Variants in CAPS2 observed in about 807,000 individuals in gnomAD.
The protein encoded by CAPS2 is calcyphosin-2.
In CAPS2, 98 loss-of-function variants were observed where a neutral mutation model predicts 86.5. The ratio of observed to expected loss-of-function variants is 1.13; its 90% CI spans 0.96 to 1.34. The LOEUF is 1.34. Among genes scored for constraint, CAPS2 ranks in the 40% most tolerant of loss-of-function variants. CAPS2 has a pLI of 0.00. For missense variants in CAPS2, 729 were observed against 686.8 expected, an observed-to-expected ratio of 1.06 and a Z score of -0.69; for synonymous variants, 210 against 225.1, an observed-to-expected ratio of 0.93 and a Z score of 0.60.
intron 4 of CAPS2, chr12:75,322,959 C>T (rs2139024487): frequency 5.3e-6 from 7 of 1,316,324 alleles, no homozygotes; most frequent in Non-Finnish European, 7.4e-6. Flanking sequence ...AATTGATAAG[C>T]AAATAAATAC....
intron 1 of CAPS2, 90 bp from the exon 3 acceptor site, chr12:75,325,378 A>C: frequency 1.0e-6 from 1 of 965,024 alleles, no homozygotes; most frequent in East Asian, 2.8e-5. Context: ...AATGCAATAA[A>C]GCTAATTATA....
chr12:75,324,959 GA>G (rs1407595763), intron 2 of CAPS2, among the ~76,000 whole-genome samples: 1 of 151,960 alleles, frequency 6.6e-6, no homozygotes, highest in African/African-American at 2.4e-5. Flanking sequence ...GCATATAGCT[GA>G]ATTTTCCAAA....
At chr12:75,380,570 T>G (rs2044907393) in intron 1 of CAPS2, among the ~76,000 whole-genome samples, 1 of 152,196 alleles carries the variant, frequency 6.6e-6, no homozygotes, top group African/African-American at 2.4e-5. Flanking sequence ...AAAAAAACAT[T>G]TATTAAGCAT....
intron 7 of CAPS2, chr12:75,306,241 A>AGGC: frequency 1.5e-6 from 1 of 647,842 alleles, no homozygotes; most frequent in South Asian, 1.8e-5. Flanking sequence ...CGAACATGCA[A>AGGC]ATCATGGAGT....
At chr12:75,382,157 GAA>G (rs1335264936) in intron 1 of CAPS2, among the ~76,000 whole-genome samples, 2 of 150,868 alleles carry the variant, frequency 1.3e-5, no homozygotes, top group African/African-American at 2.5e-5. Flanking sequence ...GAAACAATGA[GAA>G]AGAGTCAATA....
At chr12:75,374,425 C>T (rs1213144577) in intron 1 of CAPS2, among the ~76,000 whole-genome samples, 3 of 152,266 alleles carry the variant, frequency 2.0e-5, no homozygotes, top group East Asian at 3.9e-4. Context: ...TATCTTTCAC[C>T]TTAGAAGGAA....
At chr12:75,378,161 C>T (rs1566034618) in intron 1 of CAPS2, among the ~76,000 whole-genome samples, 2 of 151,924 alleles carry the variant, frequency 1.3e-5, no homozygotes, top group Non-Finnish European at 2.9e-5. Context: ...CCACGCCTGG[C>T]TAATTTTTGC....
At chr12:75,341,372 T>G (rs2042093565) in intron 1 of CAPS2, among the ~76,000 whole-genome samples, 1 of 152,234 alleles carries the variant, frequency 6.6e-6, no homozygotes, top group Admixed American at 6.5e-5. Flanking sequence ...TCAAAGGCAT[T>G]ATGCTGAGTG....
chr12:75,320,928 C>CATTAA (rs2040239129), intron 5 of CAPS2, among the ~76,000 whole-genome samples: 1 of 151,828 alleles, frequency 6.6e-6, no homozygotes, highest in Non-Finnish European at 1.5e-5. Flanking sequence ...ATTTCAGCAA[C>CATTAA]ACATGATGTT....
intron 1 of CAPS2, among the ~76,000 whole-genome samples, chr12:75,335,248 C>T (rs2041646217): frequency 6.6e-6 from 1 of 152,062 alleles, no homozygotes; most frequent in South Asian, 2.1e-4. Flanking sequence ...CCCCCACAAC[C>T]AAGATACAAG....
At chr12:75,292,088 A>G (rs2036066384) in intron 12 of CAPS2, among the ~76,000 whole-genome samples, 1 of 152,110 alleles carries the variant, frequency 6.6e-6, no homozygotes, top group South Asian at 2.1e-4. Context: ...TGTTTTTGAG[A>G]CAGAGTCTCG....
intron 7 of CAPS2, chr12:75,306,378 G>A (rs147243602): frequency 4.8e-6 from 2 of 417,960 alleles, no homozygotes; most frequent in Admixed American, 6.4e-5. Flanking sequence ...TCTGGAGGCC[G>A]GTGAATGGTT....
At chr12:75,324,978 A>G (rs2040630830) in intron 2 of CAPS2, among the ~76,000 whole-genome samples, 1 of 152,108 alleles carries the variant, frequency 6.6e-6, no homozygotes, top group African/African-American at 2.4e-5. Context: ...AAATAAACAA[A>G]TATTTTCACT....
At chr12:75,373,897 C>T (rs2044508457) in intron 1 of CAPS2, 1 of 152,170 alleles carries the variant, frequency 6.6e-6, no homozygotes, top group African/African-American at 2.4e-5. Context: ...TGAAATGCTT[C>T]TGTGCATGCC....
At chr12:75,290,247 G>A (rs1204793791) in intron 13 of CAPS2, among the ~76,000 whole-genome samples, 2 of 152,086 alleles carry the variant, frequency 1.3e-5, no homozygotes, top group Non-Finnish European at 2.9e-5. Context: ...TCTTCAAATT[G>A]TAACTTCTAT....
intron 1 of CAPS2, among the ~76,000 whole-genome samples, chr12:75,372,873 T>C (rs2044449840): frequency 1.3e-5 from 2 of 152,218 alleles, no homozygotes; most frequent in Non-Finnish European, 2.9e-5. Context: ...GGCAATGTTG[T>C]GTAAAATACA....
intron 7 of CAPS2, among the ~76,000 whole-genome samples, chr12:75,312,079 C>T (rs1280717422): frequency 6.6e-6 from 1 of 152,146 alleles, no homozygotes; most frequent in African/African-American, 2.4e-5. Flanking sequence ...TTATTCCAAC[C>T]TCTTCAGAAA....
At chr12:75,380,271 T>C (rs1297903750) in intron 1 of CAPS2, among the ~76,000 whole-genome samples, 1 of 152,184 alleles carries the variant, frequency 6.6e-6, no homozygotes, top group Non-Finnish European at 1.5e-5. Flanking sequence ...TTTGAGATGG[T>C]TTGCTTAGTT....
chr12:75,372,709 C>A (rs1037384266), intron 1 of CAPS2, among the ~76,000 whole-genome samples: 3 of 152,132 alleles, frequency 2.0e-5, no homozygotes, highest in Non-Finnish European at 2.9e-5. Context: ...GTATTGTCAC[C>A]TAATTGGCGT....
Sources: allele counts gnomAD v4.1 joint callset (sites outside exome capture counted in the v4.1 genomes callset), GRCh38; gene constraint gnomAD v4.1.1; transcripts MANE v1.5; gene names NCBI Gene and HGNC (gene_info 2026-07-23, HGNC 2026-07-21).